ADA2: variants seen among roughly 807,000 people sequenced by gnomAD.
ADA2 encodes the protein adenosine deaminase 2, also known as adenosine deaminase CECR1.
In ADA2, 29 loss-of-function variants were observed where a neutral mutation model predicts 44.2. That is an observed-to-expected ratio of 0.66 (90% CI 0.49 to 0.89). The LOEUF is 0.89. ADA2 is among the 40% of genes least tolerant of loss of function. ADA2 has a pLI of 0.00. For synonymous variants in ADA2, 215 were observed against 234.9 expected, an observed-to-expected ratio of 0.92 and a Z score of 0.77; for missense variants, 637 against 644.8, an observed-to-expected ratio of 0.99 and a Z score of 0.13.
intron 4 of ADA2, among the ~76,000 whole-genome samples, chr22:17,196,285 T>C (rs1990227): frequency 0.25 from 36,785 of 146,954 alleles, 4,752 homozygotes; most frequent in African/African-American, 0.29. Context: ...TGTGTGCCAT[T>C]GTACTCCAGC....
Position 17,182,730 on chromosome 22 carries a change from A to T in ADA2, c.1113T>A (p.Ile371=). Reference sequence around the variant, plus strand: ...TAGTGTTCAGCATCAGAGCATCCAGAATGTTCCTGTCTATGGAAGTACCCT... The same window carrying T: ...TAGTGTTCAGCATCAGAGCATCCAGTATGTTCCTGTCTATGGAAGTACCCT... ...DWQGTSIDRN[I]LDALMLNTTR... is the part of the protein sequence containing the mutation. The change falls in exon 8 of 10, where the codon ATT becomes ATA. Residue 371 remains isoleucine (I), a synonymous_variant. Transcript: ENST00000399837. 1 of 1,613,786 alleles carries T rather than the reference A, an allele frequency of 6.2e-7. No homozygotes were observed. Among genetic ancestry groups the T allele is most frequent in the African/African-American group, 1.3e-5 (1 of 75,020 alleles).
upstream of ADA2, chr22:17,219,458 G>T (rs1157858255): frequency 6.6e-6 from 1 of 152,222 alleles, no homozygotes; most frequent in Non-Finnish European, 1.5e-5. Flanking sequence ...GTTGGGGTAG[G>T]TTTTATTTCC....
Position 17,182,740 on chromosome 22 carries a change from T to C in ADA2, c.1103A>G (p.Asp368Gly). 1 of 1,613,588 alleles carries C rather than the reference T, an allele frequency of 6.2e-7. No individual in the cohort carries two copies. The highest frequency in any genetic ancestry group is 8.5e-7 in the Non-Finnish European group (1 of 1,179,964). The change falls in exon 8 of 10, where the codon GAC becomes GGC. Residue 368 changes from aspartate to glycine, a missense_variant. Physicochemically the swap from Asp to Gly is moderately conservative, Grantham distance 94. Coordinates refer to ENST00000399837, the MANE Select transcript of ADA2 (RefSeq NM_001282225.2). ...CATCAGAGCATCCAGAATGTTCCTGTCTATGGAAGTACCCTGCCAGTCTGA... is the reference window on the plus strand; with the variant it reads ...CATCAGAGCATCCAGAATGTTCCTGCCTATGGAAGTACCCTGCCAGTCTGA... ...GETDWQGTSI[D>G]RNILDALMLN...
At chr22:17,197,306 G>A (rs982036479) in intron 4 of ADA2, among the ~76,000 whole-genome samples, 11 of 147,086 alleles carry the variant, frequency 7.5e-5, no homozygotes, top group Admixed American at 7.0e-5. Context: ...CTCACTCTGC[G>A]GCCCAGGCTG....
intron 4 of ADA2, chr22:17,199,530 A>G (rs1163939284): frequency 6.2e-7 from 1 of 1,610,754 alleles, no homozygotes. Context: ...GATTTGCCCA[A>G]CAGGAAGTTC....
intron 7 of ADA2, among the ~76,000 whole-genome samples, chr22:17,188,084 A>G (rs2062058752): frequency 2.0e-5 from 2 of 99,966 alleles, no homozygotes; most frequent in South Asian, 7.9e-4. Flanking sequence ...TAAAAAAAAG[A>G]AAAAAAAAGA....
At chr22:17,184,254 A>G (rs1079553) in intron 7 of ADA2, among the ~76,000 whole-genome samples, 133,209 of 151,934 alleles carry the variant, frequency 0.88, 58,487 homozygotes, top group East Asian at 0.92. Flanking sequence ...GTGAGCCACC[A>G]CGCCCGGCCC....
intron 6 of ADA2, chr22:17,188,720 A>G: frequency 4.6e-6 from 1 of 216,602 alleles, no homozygotes; most frequent in South Asian, 8.8e-5. Flanking sequence ...TCTACTAAAA[A>G]TACAAAAAAT....
At chr22:17,207,327 G>A in intron 2 of ADA2, 37 bp from the exon 3 acceptor site, 2 of 1,483,312 alleles carry the variant, frequency 1.3e-6, no homozygotes, top group South Asian at 1.2e-5. Context: ...ACAAAGGGGT[G>A]AAGTCCCATC....
intron 4 of ADA2, among the ~76,000 whole-genome samples, chr22:17,198,126 T>G (rs528396095): frequency 6.6e-6 from 1 of 152,106 alleles, no homozygotes; most frequent in South Asian, 2.1e-4. Flanking sequence ...AGAATTTTGC[T>G]TGCCCTGAGT....
chr22:17,190,373 G>T (rs1331129471), intron 5 of ADA2, among the ~76,000 whole-genome samples: 1 of 152,196 alleles, frequency 6.6e-6, no homozygotes, highest in South Asian at 2.1e-4. Context: ...CTGCATCTCT[G>T]TCGGGGGTGT....
Position 17,191,827 on chromosome 22 carries a change from A to C in ADA2, c.754-17T>G, listed in dbSNP as rs1162848049. On this transcript the variant is annotated splice_polypyrimidine_tract_variant and intron_variant, in intron 4 of 9. Transcript: ENST00000399837. ...CTCATACACCTGGGAAGAAAGCACAACCAGGAGCCGTCAGGTGAGCAGTGA... is the reference window on the plus strand; with the variant it reads ...CTCATACACCTGGGAAGAAAGCACACCCAGGAGCCGTCAGGTGAGCAGTGA... 3.1e-6 allele frequency: 5 copies of C among 1,607,354 alleles called. No individual in the cohort carries two copies. The highest frequency in any genetic ancestry group is 3.4e-6 in the Non-Finnish European group (4 of 1,178,032).
upstream of ADA2, among the ~76,000 whole-genome samples, chr22:17,219,739 A>G (rs1259464101): frequency 1.4e-5 from 2 of 144,328 alleles, no homozygotes; most frequent in Non-Finnish European, 3.0e-5. Context: ...CAATGGCGCA[A>G]TCTCAGCTCA....
intron 7 of ADA2, among the ~76,000 whole-genome samples, chr22:17,186,417 A>G (rs2062036212): frequency 6.6e-6 from 1 of 151,842 alleles, no homozygotes. Flanking sequence ...CCCTATCCCT[A>G]TTAAAAATAC....
Position 17,181,410 on chromosome 22 carries a change from G to T in ADA2, c.*73C>A. The T allele has an allele frequency of 9.8e-7, 1 of 1,017,052 alleles. No homozygotes were observed. The highest frequency in any genetic ancestry group is 1.6e-6 in the Non-Finnish European group (1 of 637,040). The allele number at this position is 1,017,052 out of a possible 1,614,324, so 63.0% of individuals were successfully genotyped here. Reference sequence around the variant, plus strand: ...ATTGATTTCATGGGCACATGGAGCTGATTCAAGAACGAGTGAGAGGAAGTG... The same window carrying T: ...ATTGATTTCATGGGCACATGGAGCTTATTCAAGAACGAGTGAGAGGAAGTG... On this transcript the variant is annotated 3_prime_UTR_variant, in exon 10 of 10. Coordinates refer to ENST00000399837, the MANE Select transcript of ADA2 (RefSeq NM_001282225.2).
At chr22:17,197,627 T>C (rs928834128) in intron 4 of ADA2, among the ~76,000 whole-genome samples, 22 of 152,236 alleles carry the variant, frequency 1.4e-4, no homozygotes, top group Admixed American at 1.2e-3. Flanking sequence ...TTAAGAAGTG[T>C]TGAGCTTCTA....
intron 3 of ADA2, among the ~76,000 whole-genome samples, chr22:17,204,284 G>T (rs747445217): frequency 3.2e-4 from 48 of 152,180 alleles, no homozygotes; most frequent in Non-Finnish European, 3.7e-4. Context: ...AAATGAGGTT[G>T]TAAGGATGGG....
At chr22:17,206,978 G>T in intron 3 of ADA2, 93 bp downstream of exon 3, 1 of 965,904 alleles carries the variant, frequency 1.0e-6, no homozygotes, top group Non-Finnish European at 1.6e-6. Flanking sequence ...ATTAAAGCCA[G>T]ATTTTTATCT....
At chr22:17,211,313 C>T (rs755853947) in intron 1 of ADA2, among the ~76,000 whole-genome samples, 20 of 151,848 alleles carry the variant, frequency 1.3e-4, no homozygotes, top group Non-Finnish European at 1.8e-4. Flanking sequence ...AAGCTGAGTT[C>T]GCGCCACTGC....
Sources: allele counts gnomAD v4.1 joint callset (sites outside exome capture counted in the v4.1 genomes callset), GRCh38; gene constraint gnomAD v4.1.1; transcripts MANE v1.5; gene names NCBI Gene and HGNC (gene_info 2026-07-23, HGNC 2026-07-21).